MRTFB: variants seen among roughly 807,000 people sequenced by gnomAD.
MRTFB encodes the protein myocardin related transcription factor B.
In MRTFB, 29 loss-of-function variants were observed where a neutral mutation model predicts 104.2. The ratio of observed to expected loss-of-function variants is 0.28; its 90% confidence interval spans 0.21 to 0.38. MRTFB has a LOEUF of 0.38. Among genes scored for constraint, MRTFB ranks in the 10% least tolerant of loss-of-function variants. The probability of loss-of-function intolerance (pLI) is 1.00; values close to 1 mark genes in which losing one functional copy is unlikely to be tolerated. For missense variants in MRTFB, 1,270 were observed against 1,341.6 expected (o/e 0.95, Z 0.83); for synonymous variants, 535 against 519.5 (o/e 1.03, Z -0.41).
chr16:14,028,389 C>G, the MRTFB span, among the ~76,000 whole-genome samples: 3 of 152,038 alleles, frequency 2.0e-5, no homozygotes, highest in Non-Finnish European at 4.4e-5. Context: ...CAGAAAGGCT[C>G]GGGTTTCCTG....
intron 15 of MRTFB, among the ~76,000 whole-genome samples, chr16:14,257,289 A>G (rs1210589279): frequency 6.6e-6 from 1 of 152,220 alleles, no homozygotes. Flanking sequence ...GGACCTGTAC[A>G]CAAATGTTCA....
At chr16:14,168,771 T>G (rs1390657755) in intron 3 of MRTFB, among the ~76,000 whole-genome samples, 1 of 152,244 alleles carries the variant, frequency 6.6e-6, no homozygotes, top group Non-Finnish European at 1.5e-5. Flanking sequence ...GTTTTCTAAG[T>G]CTGCATGCCC....
chr16:14,005,278 A>G, the MRTFB span, among the ~76,000 whole-genome samples: 1 of 152,186 alleles, frequency 6.6e-6, no homozygotes, highest in Non-Finnish European at 1.5e-5. Context: ...CAAAGTAGTA[A>G]GGAAGGGAGG....
the MRTFB span, among the ~76,000 whole-genome samples, chr16:14,024,071 C>A: frequency 2.0e-4 from 31 of 151,920 alleles, no homozygotes. Flanking sequence ...AAGAATGGTG[C>A]CTGGTGCATC....
chr16:14,190,497 A>G (rs1453327773), intron 3 of MRTFB, among the ~76,000 whole-genome samples: 1 of 152,226 alleles, frequency 6.6e-6, no homozygotes, highest in East Asian at 1.9e-4. Flanking sequence ...ATTGAGATAA[A>G]TGAATCATAA....
the MRTFB span, among the ~76,000 whole-genome samples, chr16:13,999,735 C>T: frequency 6.6e-6 from 1 of 152,252 alleles, no homozygotes; most frequent in South Asian, 2.1e-4. Flanking sequence ...CATTGAGCCC[C>T]AGGATCGAGC....
At chr16:14,195,477 T>G in intron 3 of MRTFB, 1 of 963,910 alleles carries the variant, frequency 1.0e-6, no homozygotes, top group African/African-American at 1.8e-5. Context: ...TATATTTGAG[T>G]GTGTGTTTGT....
At chr16:14,070,432 CA>C (rs1382739860), upstream of MRTFB, among the ~76,000 whole-genome samples, 2 of 152,220 alleles carry the variant, frequency 1.3e-5, no homozygotes, top group Non-Finnish European at 2.9e-5. Context: ...ACATCATGTA[CA>C]TTCTGATTCT....
At chr16:14,163,857 T>C (rs2039134154) in intron 3 of MRTFB, among the ~76,000 whole-genome samples, 1 of 151,886 alleles carries the variant, frequency 6.6e-6, no homozygotes, top group Non-Finnish European at 1.5e-5. Context: ...AAGCAGCTTT[T>C]ATTTATTTTC....
chr16:14,160,235 A>C (rs557340266), intron 3 of MRTFB, among the ~76,000 whole-genome samples: 8 of 152,080 alleles, frequency 5.3e-5, no homozygotes, highest in Non-Finnish European at 7.4e-5. Flanking sequence ...CACCTTTAAA[A>C]ATTTTTTTTC....
rs995522304 is a variant in MRTFB, at chr16:14,094,179, T to C, written c.-64+14825T>C. Among the ~76,000 whole-genome samples the C allele has an allele frequency of 5.3e-5, 8 of 152,184 alleles. No homozygotes were observed. The East Asian group carries it at 1.2e-3, about 22-fold the overall frequency. ...TGTCCGGCTCACTCCTGTTGCACCA[T>C]GTAAGATGACAAGATTGCTTTCAGG... On this transcript the variant is annotated intron_variant, in intron 2 of 16. Coordinates refer to ENST00000571589, the MANE Select transcript of MRTFB (RefSeq NM_001308142.2).
At chr16:14,207,364 G>C (rs1324694248) in intron 3 of MRTFB, among the ~76,000 whole-genome samples, 1 of 152,182 alleles carries the variant, frequency 6.6e-6, no homozygotes, top group African/African-American at 2.4e-5. Context: ...TTGGTGGTTG[G>C]TGTCTACGAT....
chr16:14,217,226 T>C lies in MRTFB; in HGVS notation c.453T>C (p.Pro151=), dbSNP rs776929669. The C allele has an allele frequency of 3.1e-6, 5 of 1,613,704 alleles. No homozygotes were observed. The highest frequency in any genetic ancestry group is 1.1e-5 in the South Asian group (1 of 90,982). The change falls in exon 7 of 17, where the codon CCT becomes CCC. Residue 151 remains proline (P), a synonymous_variant. Transcript: ENST00000571589. The part of the protein sequence containing the change: ...LNEKIAQRPG[P]MELVEKNILP... ...AAAAGATTGCTCAAAGACCTGGTCC[T>C]ATGGAGCTGGTAGAGAAAAACATCC...
At chr16:14,002,403 G>A in the MRTFB span, among the ~76,000 whole-genome samples, 1 of 151,784 alleles carries the variant, frequency 6.6e-6, no homozygotes, top group Non-Finnish European at 1.5e-5. Flanking sequence ...AAAAGGCAAG[G>A]TTAGCAAGTG....
At chr16:14,209,745 G>A (rs2041112355) in intron 3 of MRTFB, among the ~76,000 whole-genome samples, 1 of 152,090 alleles carries the variant, frequency 6.6e-6, no homozygotes, top group Non-Finnish European at 1.5e-5. Flanking sequence ...TCCTAATTTA[G>A]AAATTTCCCT....
At chr16:14,066,364 C>T (rs1207803274), upstream of MRTFB, among the ~76,000 whole-genome samples, 2 of 151,710 alleles carry the variant, frequency 1.3e-5, no homozygotes, top group Non-Finnish European at 2.9e-5. Flanking sequence ...ACCTCCGCCT[C>T]CTGGGTTCAA....
At chr16:14,044,979 C>T in the MRTFB span, among the ~76,000 whole-genome samples, 5 of 152,152 alleles carry the variant, frequency 3.3e-5, no homozygotes, top group African/African-American at 1.2e-4. Context: ...ACTGACCAGC[C>T]CTACCTTGGC....
chr16:14,195,484 T>G, intron 3 of MRTFB: 5 of 980,520 alleles, frequency 5.1e-6, no homozygotes, highest in Non-Finnish European at 6.1e-6. Flanking sequence ...GAGTGTGTGT[T>G]TGTATCAGCC....
the MRTFB span, among the ~76,000 whole-genome samples, chr16:14,028,342 C>T: frequency 6.6e-6 from 1 of 152,168 alleles, no homozygotes; most frequent in African/African-American, 2.4e-5. Context: ...ACCCCTCCCC[C>T]AGGTCCCATG....
Sources: gnomAD v4.1 joint callset for allele counts (sites outside exome capture counted in the v4.1 genomes callset) on GRCh38, gnomAD v4.1.1 for gene constraint, MANE v1.5 for transcripts, NCBI Gene and HGNC (gene_info 2026-07-23, HGNC 2026-07-21) for gene names.